DOCK8: variants seen among roughly 807,000 people sequenced by gnomAD.
DOCK8 encodes dedicator of cytokinesis protein 8.
Under a neutral mutation model 245.6 loss-of-function variants are expected in DOCK8, and 141 were observed. The observed-to-expected ratio is 0.57, with a 90% CI of 0.50 to 0.66. DOCK8 has a LOEUF of 0.66. Among genes scored for constraint, DOCK8 ranks in the 30% least tolerant of loss-of-function variants. DOCK8 has a pLI of 0.00. For missense variants in DOCK8, 2,965 were observed against 2,603.4 expected, an observed-to-expected ratio of 1.14 and a Z score of -3.02; for synonymous variants, 1,168 against 970.2, an observed-to-expected ratio of 1.20 and a Z score of -3.79.
intron 17 of DOCK8, among the ~76,000 whole-genome samples, 192 bp from the exon 18 acceptor site, chr9:371,993 T>A (rs988958686): frequency 2.0e-5 from 3 of 152,120 alleles, no homozygotes; most frequent in Admixed American, 2.0e-4. Flanking sequence ...AAGCAATAAA[T>A]CATCAATATT....
intron 46 of DOCK8, among the ~76,000 whole-genome samples, chr9:453,286 A>G (rs2057524915): frequency 6.6e-6 from 1 of 152,270 alleles, no homozygotes; most frequent in Non-Finnish European, 1.5e-5. Context: ...CTCACAGATT[A>G]TCTTGATTAA....
intron 26 of DOCK8, 140 bp from the exon 27 acceptor site, chr9:404,778 C>T (rs1322580982): frequency 8.1e-6 from 7 of 861,062 alleles, no homozygotes; most frequent in Non-Finnish European, 1.3e-5. Context: ...GCAGAATTTA[C>T]CATCTGTTGC....
chr9:443,077 CTG>C (rs2057143456), intron 42 of DOCK8, among the ~76,000 whole-genome samples: 1 of 152,142 alleles, frequency 6.6e-6, no homozygotes, highest in East Asian at 1.9e-4. Context: ...TTCTTGTGCA[CTG>C]TGATTTGCCA....
chr9:305,067 G>T (rs757237627), intron 5 of DOCK8, among the ~76,000 whole-genome samples: 1 of 152,248 alleles, frequency 6.6e-6, no homozygotes, highest in East Asian at 1.9e-4. Context: ...CATTCTCCTA[G>T]TGATTCTACC....
chr9:230,174 G>A (rs866559595), intron 1 of DOCK8, among the ~76,000 whole-genome samples: 16 of 151,114 alleles, frequency 1.1e-4, no homozygotes, highest in South Asian at 2.1e-4. Context: ...TTGTCCTTGC[G>A]ATAGTTTGCT....
At chr9:249,253 G>A (rs2047589438) in intron 1 of DOCK8, among the ~76,000 whole-genome samples, 1 of 151,966 alleles carries the variant, frequency 6.6e-6, no homozygotes, top group South Asian at 2.1e-4. Flanking sequence ...TCCTTCCCAA[G>A]GTGCCACGCC....
At chr9:301,640 C>A (rs894279073) in intron 4 of DOCK8, among the ~76,000 whole-genome samples, 26 of 152,196 alleles carry the variant, frequency 1.7e-4, no homozygotes, top group Non-Finnish European at 1.0e-4. Context: ...TGATAAACAA[C>A]TTCAGTAAAG....
intron 1 of DOCK8, among the ~76,000 whole-genome samples, chr9:264,835 G>C (rs785845): frequency 0.52 from 79,727 of 152,074 alleles, 21,172 homozygotes; most frequent in East Asian, 0.79. Context: ...TGTTTTCAGA[G>C]CTTATCCATG....
At chr9:400,034 C>CCACCACCACCACCACCGCCACCAT (rs2054707030) in intron 26 of DOCK8, among the ~76,000 whole-genome samples, 1 of 91,932 alleles carries the variant, frequency 1.1e-5, no homozygotes, top group African/African-American at 5.7e-5. Context: ...TCCACCATCA[C>CCACCACCACCACCACCGCCACCAT]CACCACCACC....
rs866410027 is a variant in DOCK8 at position 432,255 on chromosome 9, A to T, written c.4716A>T (p.Arg1572Ser). ...APDFNEEHLRRSLRTILAYSE... is the reference protein window; with the variant it reads ...APDFNEEHLRSSLRTILAYSE... ...ACTTTAATGAAGAGCACCTGAGAAG[A>T]TCCTTGAGGACAATTTTGGCCTATT... The change falls in exon 37 of 48, where the codon AGA (arginine) becomes AGT (serine). Residue 1572 changes from arginine to serine, a missense_variant. Physicochemically the swap from Arg to Ser is moderately radical, Grantham distance 110. Coordinates refer to ENST00000432829, the MANE Select transcript of DOCK8 (RefSeq NM_203447.4). 4.3e-6 allele frequency: 7 copies of T among 1,613,712 alleles called. No homozygotes were observed. The highest frequency in any genetic ancestry group is 5.9e-6 in the Non-Finnish European group (7 of 1,179,988).
At chr9:216,180 TTTAA>T (rs1162262125) in intron 1 of DOCK8, among the ~76,000 whole-genome samples, 1 of 152,058 alleles carries the variant, frequency 6.6e-6, no homozygotes, top group African/African-American at 2.4e-5. Context: ...GTAAAATGAG[TTTAA>T]TTATTTATGT....
chr9:373,103 G>A (rs1215867794), intron 18 of DOCK8, among the ~76,000 whole-genome samples: 1 of 152,166 alleles, frequency 6.6e-6, no homozygotes, highest in African/African-American at 2.4e-5. Flanking sequence ...GGAAGTGGAG[G>A]TTGCAGTGAG....
At chr9:215,539 A>G in intron 1 of DOCK8, 1 of 1,198,898 alleles carries the variant, frequency 8.3e-7, no homozygotes, top group Non-Finnish European at 1.1e-6. Context: ...TATTCCAGAA[A>G]GAGCTTGGCT....
intron 1 of DOCK8, among the ~76,000 whole-genome samples, chr9:256,955 G>A (rs745445761): frequency 1.2e-4 from 19 of 152,140 alleles, no homozygotes; most frequent in African/African-American, 1.9e-4. Context: ...AGAGATTCTC[G>A]TCATTCTACA....
At chr9:345,775 T>C (rs1222290468) in intron 14 of DOCK8, among the ~76,000 whole-genome samples, 1 of 152,048 alleles carries the variant, frequency 6.6e-6, no homozygotes, top group Non-Finnish European at 1.5e-5. Flanking sequence ...GTGTATTAGG[T>C]TGGTGCAAAA....
chr9:226,589 C>T (rs1314078191), intron 1 of DOCK8, among the ~76,000 whole-genome samples: 1 of 151,708 alleles, frequency 6.6e-6, no homozygotes, highest in Non-Finnish European at 1.5e-5. Context: ...GGAGCTAGGG[C>T]TGACGAATTA....
At chr9:305,651 T>A (rs1160347877) in intron 5 of DOCK8, among the ~76,000 whole-genome samples, 1 of 152,188 alleles carries the variant, frequency 6.6e-6, no homozygotes, top group Non-Finnish European at 1.5e-5. Flanking sequence ...TATTGTGAAA[T>A]GAGCTTTTAA....
At chr9:334,464 G>C (rs1244506144) in intron 11 of DOCK8, 80 bp downstream of exon 11, 2 of 1,496,580 alleles carry the variant, frequency 1.3e-6, no homozygotes, top group Non-Finnish European at 1.8e-6. Context: ...AGCGGGGACT[G>C]GGGGCACAGT....
intron 1 of DOCK8, among the ~76,000 whole-genome samples, chr9:218,629 T>C (rs1469388891): frequency 6.6e-6 from 1 of 152,204 alleles, no homozygotes; most frequent in Non-Finnish European, 1.5e-5. Context: ...TTGTAGATTA[T>C]AAAAATTATT....
Sources: gnomAD v4.1 joint callset for allele counts (sites outside exome capture counted in the v4.1 genomes callset) on GRCh38, gnomAD v4.1.1 for gene constraint, MANE v1.5 for transcripts, NCBI Gene and HGNC (gene_info 2026-07-23, HGNC 2026-07-21) for gene names.